The following RBBP7 variants were observed in gnomAD, a reference collection of about 807,000 sequenced individuals.
RBBP7 encodes the protein histone-binding protein RBBP7.
Under a neutral mutation model 35.2 loss-of-function variants are expected in RBBP7, and 5 were observed. That is an observed-to-expected ratio of 0.14 (90% CI 0.07 to 0.30). The LOEUF (loss-of-function observed/expected upper bound fraction) is 0.30, where lower values mean the gene tolerates loss of function less well. Among genes scored for constraint, RBBP7 ranks in the 10% least tolerant of loss-of-function variants. RBBP7 has a pLI of 1.00. For missense variants in RBBP7, 155 were observed against 327.5 expected, an observed-to-expected ratio of 0.47 and a Z score of 4.07; for synonymous variants, 140 against 118.7, an observed-to-expected ratio of 1.18 and a Z score of -1.17.
At chrX:16,845,249 C>T (rs1304562242) in intron 11 of RBBP7, 146 bp from the exon 12 acceptor site, 3 of 468,125 alleles carry the variant, frequency 6.4e-6, no homozygotes, top group Non-Finnish European at 1.1e-5. Context: ...GGTAGGCTAG[C>T]CAGTATTTTG....
At chrX:16,856,970 C>T (rs990350195) in intron 5 of RBBP7, among the ~76,000 whole-genome samples, 2 of 111,182 alleles carry the variant, frequency 1.8e-5, no homozygotes, top group Admixed American at 9.6e-5. Context: ...ATTGTTCATC[C>T]ATAAAAAGGA....
intron 9 of RBBP7, among the ~76,000 whole-genome samples, chrX:16,851,381 T>G (rs1450006589): frequency 3.6e-5 from 4 of 112,179 alleles, no homozygotes; most frequent in African/African-American, 6.5e-5. Context: ...GATTTAAACT[T>G]AAGATGACAT....
chrX:16,866,002 C>T (rs1930605979), intron 2 of RBBP7, among the ~76,000 whole-genome samples: 1 of 111,638 alleles, frequency 9.0e-6, no homozygotes, highest in Admixed American at 9.5e-5. Context: ...CACTTCTACA[C>T]GCTGGCAAGG....
At position 16,856,375 on chromosome X, in the gene RBBP7, C is replaced by T. The variant is rs146812951; in HGVS notation, c.597+1219G>A. Among the ~76,000 whole-genome samples the T allele has an allele frequency of 6.7e-3, 747 of 110,802 alleles. 1 individual carries two copies. The highest frequency in any genetic ancestry group is 0.014 in the Middle Eastern group (3 of 217). On this transcript the variant is annotated intron_variant, in intron 5 of 11. Transcript: ENST00000380087. ...TGAAACCCTGTCTCTACTAAAAGTA[C>T]GAAAATTAGCTGGGTTTCATGGTGC...
At chrX:16,864,352 T>C in intron 2 of RBBP7, among the ~76,000 whole-genome samples, 1 of 110,062 alleles carries the variant, frequency 9.1e-6, no homozygotes, top group Middle Eastern at 4.7e-3. Context: ...AAACCCCATC[T>C]CTATTAAAAA....
intron 2 of RBBP7, among the ~76,000 whole-genome samples, chrX:16,867,296 T>C (rs1375587105): frequency 8.9e-6 from 1 of 112,023 alleles, no homozygotes; most frequent in Non-Finnish European, 1.9e-5. Flanking sequence ...TTAACCCAGG[T>C]CTCTAAGTTT....
At chrX:16,855,216 A>AT (rs1317534808) in intron 5 of RBBP7, among the ~76,000 whole-genome samples, 2 of 110,068 alleles carry the variant, frequency 1.8e-5, no homozygotes, top group Non-Finnish European at 3.8e-5. Context: ...AGCCCAGCTA[A>AT]TTTTTTTGTA....
chrX:16,869,825 C>G (rs1231142199), intron 1 of RBBP7: 2 of 894,666 alleles, frequency 2.2e-6, no homozygotes, highest in African/African-American at 4.3e-5. Context: ...GGGGCCCAGC[C>G]CTCGGCCCCG....
intron 5 of RBBP7, among the ~76,000 whole-genome samples, chrX:16,855,813 AC>A (rs1930333021): frequency 9.2e-6 from 1 of 108,428 alleles, no homozygotes; most frequent in African/African-American, 3.4e-5. Context: ...TTTGGGCAAT[AC>A]GGCAAAACTC....
chrX:16,862,184 T>G (rs747476880), intron 3 of RBBP7, among the ~76,000 whole-genome samples: 1 of 111,897 alleles, frequency 8.9e-6, no homozygotes, highest in Non-Finnish European at 1.9e-5. Context: ...CTCCCTGAAC[T>G]TGCCGATGTA....
intron 1 of RBBP7, chrX:16,869,719 G>A (rs1270677976): frequency 5.1e-6 from 5 of 982,403 alleles, no homozygotes; most frequent in Admixed American, 5.7e-5. Flanking sequence ...CGTAGAAAGA[G>A]CCGCGGCGCT....
intron 2 of RBBP7, among the ~76,000 whole-genome samples, chrX:16,866,318 G>C (rs2067490309): frequency 9.2e-6 from 1 of 109,200 alleles, no homozygotes; most frequent in African/African-American, 3.3e-5. Flanking sequence ...ACGAGGTCAG[G>C]AGTTTGAGAC....
At chrX:16,858,652 T>G in intron 4 of RBBP7, 24 bp downstream of exon 4, 1 of 1,197,018 alleles carries the variant, frequency 8.4e-7, no homozygotes, top group African/African-American at 1.7e-5. Context: ...GCTCAAGTAA[T>G]GACCTAACTC....
chrX:16,858,614 A>C (rs911268967), intron 4 of RBBP7, 62 bp downstream of exon 4: 2 of 1,172,186 alleles, frequency 1.7e-6, no homozygotes, highest in Non-Finnish European at 2.3e-6. Flanking sequence ...TGACCTTAAA[A>C]ACATTACCAG....
chrX:16,859,197 C>A (rs1233988669), intron 3 of RBBP7, among the ~76,000 whole-genome samples: 4 of 112,331 alleles, frequency 3.6e-5, no homozygotes, highest in Non-Finnish European at 5.6e-5. Context: ...CTTTTTAGTT[C>A]AAATACAACT....
At chrX:16,857,891 T>C (rs879149012) in intron 4 of RBBP7, among the ~76,000 whole-genome samples, 182 bp from the exon 5 acceptor site, 1 of 111,659 alleles carries the variant, frequency 9.0e-6, no homozygotes, top group Admixed American at 9.5e-5. Context: ...GAAAACCTAA[T>C]ACTATCCCCA....
intron 10 of RBBP7, chrX:16,848,069 A>C (rs1167163364): frequency 8.9e-6 from 1 of 112,473 alleles, no homozygotes; most frequent in Non-Finnish European, 1.9e-5. Context: ...GACAAAAGTC[A>C]TATTTATATG....
intron 2 of RBBP7, among the ~76,000 whole-genome samples, chrX:16,868,038 A>G (rs1288377045): frequency 9.0e-6 from 1 of 111,638 alleles, no homozygotes; most frequent in Non-Finnish European, 1.9e-5. Flanking sequence ...TTTAGGTTAG[A>G]GTTTCATTTA....
At chrX:16,853,946 G>A (rs1420107776) in intron 5 of RBBP7, 104 bp from the exon 6 acceptor site, 5 of 697,081 alleles carry the variant, frequency 7.2e-6, no homozygotes, top group South Asian at 6.4e-5. Context: ...AGGCTGGTGC[G>A]ATCTCGGCTC....
Sources: allele counts gnomAD v4.1 joint callset (sites outside exome capture counted in the v4.1 genomes callset), GRCh38; gene constraint gnomAD v4.1.1; transcripts MANE v1.5; gene names NCBI Gene and HGNC (gene_info 2026-07-23, HGNC 2026-07-21).